CATSPERB: variants seen among roughly 807,000 people sequenced by gnomAD.
The protein encoded by CATSPERB is cation channel sperm-associated auxiliary subunit beta.
CATSPERB carries 93 observed loss-of-function variants against 128.3 expected under a neutral mutation model. The ratio of observed to expected loss-of-function variants is 0.72; its 90% CI spans 0.61 to 0.86. The LOEUF (loss-of-function observed/expected upper bound fraction) is 0.86. CATSPERB is among the 40% of genes least tolerant of loss of function. The probability of loss-of-function intolerance (pLI) is 0.00; values close to 1 mark genes in which losing one functional copy is unlikely to be tolerated. For missense variants in CATSPERB, 1,153 were observed against 1,329.5 expected, an observed-to-expected ratio of 0.87 and a Z score of 2.06; for synonymous variants, 381 against 448.8, an observed-to-expected ratio of 0.85 and a Z score of 1.91.
intron 2 of CATSPERB, among the ~76,000 whole-genome samples, chr14:91,726,037 A>G (rs1211735312): frequency 2.6e-5 from 4 of 152,190 alleles, no homozygotes; most frequent in Non-Finnish European, 4.4e-5. Context: ...GCCAAAATCC[A>G]GGGGAAGATC....
intron 22 of CATSPERB, among the ~76,000 whole-genome samples, chr14:91,607,432 A>G (rs189122116): frequency 3.3e-5 from 5 of 152,278 alleles, no homozygotes; most frequent in Non-Finnish European, 5.9e-5. Flanking sequence ...CAGGCAGAAA[A>G]GCATTCCACA....
At position 91,674,816 on chromosome 14, in the gene CATSPERB, C is replaced by T. The variant is rs548304400; in HGVS notation, c.932-594G>A. On this transcript the variant is annotated intron_variant, in intron 11 of 26. Transcript: ENST00000256343. Reference sequence around the variant, plus strand: ...AACCTGGCCATCGTGAAGATGACACCAGCCTATGTTCCAGGTGGAGCATGA... The same window carrying T: ...AACCTGGCCATCGTGAAGATGACACTAGCCTATGTTCCAGGTGGAGCATGA... 1.1e-4 allele frequency among the ~76,000 whole-genome samples: 16 copies of T among 152,244 alleles called. No homozygotes were observed. In the South Asian group the frequency reaches 2.3e-3, roughly 22 times the overall value.
intron 5 of CATSPERB, among the ~76,000 whole-genome samples, chr14:91,708,704 A>T (rs926370095): frequency 5.3e-5 from 8 of 152,248 alleles, no homozygotes; most frequent in African/African-American, 1.9e-4. Flanking sequence ...AACAGAGAAG[A>T]TTGAACAAAT....
At chr14:91,628,266 G>T (rs1260276088) in intron 17 of CATSPERB, among the ~76,000 whole-genome samples, 1 of 152,054 alleles carries the variant, frequency 6.6e-6, no homozygotes, top group Non-Finnish European at 1.5e-5. Flanking sequence ...ACCACTGCAT[G>T]GTTCTGGGTT....
intron 13 of CATSPERB, among the ~76,000 whole-genome samples, chr14:91,671,760 G>A (rs1475026335): frequency 1.3e-5 from 2 of 151,448 alleles, no homozygotes; most frequent in Non-Finnish European, 2.9e-5. Flanking sequence ...GTCCAGGCTC[G>A]GTGGCTCACG....
rs1893678823 is a variant in CATSPERB at position 91,605,270 on chromosome 14, G to A, written c.2709+3024C>T. 9 of 1,172,166 alleles carry A rather than the reference G, an allele frequency of 7.7e-6. No individual in the cohort carries two copies. The Admixed American group carries it at 1.6e-4, about 20-fold the overall frequency. 72.6% of individuals were successfully genotyped at this position (1,172,166 alleles called of 1,614,324 possible). A position where few individuals can be genotyped will look rare whatever the true frequency, so the allele number is the denominator to read the frequency against. ...TGTAAGTGAAGAGTCTTTACAGACGGATGCGTTGGAGCAAGGCAGGCTTTG... is the reference window on the plus strand; with the variant it reads ...TGTAAGTGAAGAGTCTTTACAGACGAATGCGTTGGAGCAAGGCAGGCTTTG... On this transcript the variant is annotated intron_variant, in intron 22 of 26. Transcript: ENST00000256343.
chr14:91,669,794 G>A lies in CATSPERB; in HGVS notation c.1287+20C>T. ...GGATGATTTAACTCTAACACAGACT[G>A]AAGTTCCATGTGTACGCACCTGATT... On this transcript the variant is annotated intron_variant, in intron 14 of 26. Coordinates refer to ENST00000256343, the MANE Select transcript of CATSPERB (RefSeq NM_024764.4). The A allele has an allele frequency of 6.3e-7, 1 of 1,596,864 alleles. No homozygotes were observed.
intron 21 of CATSPERB, among the ~76,000 whole-genome samples, chr14:91,609,457 G>A (rs797020495): frequency 1.3e-5 from 2 of 152,296 alleles, no homozygotes; most frequent in African/African-American, 4.8e-5. Flanking sequence ...AGCACCAGAA[G>A]GCGGCTACAA....
intron 4 of CATSPERB, among the ~76,000 whole-genome samples, chr14:91,720,950 CA>C (rs1290513103): frequency 1.2e-4 from 19 of 152,116 alleles, no homozygotes; most frequent in Admixed American, 7.2e-4. Context: ...TTATTTTCAA[CA>C]AAAGTGCCAA....
chr14:91,625,931 C>T (rs1387714127), intron 17 of CATSPERB, among the ~76,000 whole-genome samples: 1 of 152,100 alleles, frequency 6.6e-6, no homozygotes, highest in Admixed American at 6.5e-5. Context: ...TCAAGACCAG[C>T]CTAGGCAACA....
chr14:91,682,734 A>G (rs1895304935), intron 11 of CATSPERB, among the ~76,000 whole-genome samples: 1 of 152,198 alleles, frequency 6.6e-6, no homozygotes, highest in South Asian at 2.1e-4. Flanking sequence ...TTTACCCACT[A>G]GCCATCTTTT....
At chr14:91,670,026 A>G in intron 13 of CATSPERB, 54 bp from the exon 14 acceptor site, 1 of 1,496,962 alleles carries the variant, frequency 6.7e-7, no homozygotes, top group Non-Finnish European at 9.1e-7. Context: ...TACAAATTTT[A>G]GAATTTCCTG....
In CATSPERB at chr14:91,580,817, C is replaced by T. The variant is rs1893192321; in HGVS notation, c.*72G>A. On this transcript the variant is annotated 3_prime_UTR_variant, in exon 27 of 27. Transcript: ENST00000256343. ...GATTTTATGTAGCTTGCATATTTAA[C>T]ATTTAAATATATTGTTCTAGGAATT... The T allele has an allele frequency of 3.5e-6, 4 of 1,158,062 alleles. No homozygotes were observed. The highest frequency in any genetic ancestry group is 5.0e-6 in the Non-Finnish European group (4 of 796,038). The allele number at this position is 1,158,062 out of a possible 1,614,324, so 71.7% of individuals were successfully genotyped here.
chr14:91,672,371 G>A (rs1895112902), intron 13 of CATSPERB, among the ~76,000 whole-genome samples: 1 of 152,090 alleles, frequency 6.6e-6, no homozygotes, highest in Non-Finnish European at 1.5e-5. Flanking sequence ...CTGTGGTTTT[G>A]AAATCCTGGC....
chr14:91,646,647 C>T (rs552210358), intron 15 of CATSPERB, among the ~76,000 whole-genome samples: 3 of 152,272 alleles, frequency 2.0e-5, no homozygotes, highest in African/African-American at 7.2e-5. Flanking sequence ...GCTACACGAG[C>T]CTGAGGTTGT....
chr14:91,676,601 G>A (rs1895196507), intron 11 of CATSPERB, among the ~76,000 whole-genome samples: 2 of 150,844 alleles, frequency 1.3e-5, no homozygotes, highest in Admixed American at 1.3e-4. Flanking sequence ...CATTATTTAT[G>A]TTCTAACTGA....
chr14:91,622,959 A>G (rs554999234), intron 18 of CATSPERB, among the ~76,000 whole-genome samples: 1 of 150,226 alleles, frequency 6.7e-6, no homozygotes, highest in South Asian at 2.1e-4. Flanking sequence ...CAATGGCGCA[A>G]TCTTGGCTCA....
At position 91,707,270 on chromosome 14, in the gene CATSPERB, C is replaced by A. The variant is rs568908173; in HGVS notation, c.466+871G>T. ...TTCAAAGATCTACCAATTTGTGAAG[C>A]TTTTTGCTGCAATTATACCTCAGTA... is the stretch of plus-strand genomic sequence containing the variant. On this transcript the variant is annotated intron_variant, in intron 6 of 26. Coordinates refer to ENST00000256343, the MANE Select transcript of CATSPERB (RefSeq NM_024764.4). Among the ~76,000 whole-genome samples the A allele has an allele frequency of 5.5e-4, 83 of 152,192 alleles. 1 individual carries two copies. The highest frequency in any genetic ancestry group is 1.9e-3 in the African/African-American group (77 of 41,526).
intron 26 of CATSPERB, 84 bp from the exon 27 acceptor site, chr14:91,581,191 C>T: frequency 1.8e-6 from 2 of 1,135,318 alleles, no homozygotes; most frequent in Non-Finnish European, 2.5e-6. Flanking sequence ...CACAATTAAT[C>T]GGAGAGCAAA....
Sources: allele counts gnomAD v4.1 joint callset (sites outside exome capture counted in the v4.1 genomes callset), GRCh38; gene constraint gnomAD v4.1.1; transcripts MANE v1.5; gene names NCBI Gene and HGNC (gene_info 2026-07-23, HGNC 2026-07-21).